GLS: variants seen among roughly 807,000 people sequenced by gnomAD.
GLS encodes the protein glutaminase, also known as glutaminase kidney isoform, mitochondrial.
In GLS, 36 loss-of-function variants were observed where a neutral mutation model predicts 86.7. The ratio of observed to expected loss-of-function variants is 0.42; its 90% CI spans 0.32 to 0.55. The LOEUF is 0.55. GLS is among the 20% of genes least tolerant of loss of function. The pLI is 0.17. For missense variants in GLS, 528 were observed against 833.4 expected (o/e 0.63, Z 4.51); for synonymous variants, 317 against 305.9 (o/e 1.04, Z -0.38).
At chr2:190,906,371 TTA>T (rs1208429472) in intron 6 of GLS, among the ~76,000 whole-genome samples, 1 of 152,088 alleles carries the variant, frequency 6.6e-6, no homozygotes, top group Non-Finnish European at 1.5e-5. Context: ...ATTTGAATGT[TTA>T]GAGGATTTCA....
At chr2:190,915,116 G>A (rs1689484376) in intron 7 of GLS, among the ~76,000 whole-genome samples, 2 of 150,152 alleles carry the variant, frequency 1.3e-5, no homozygotes, top group South Asian at 2.1e-4. Context: ...TCAGCCTCCC[G>A]AGTAGCTGGG....
Position 190,962,944 on chromosome 2 carries a change from G to A in GLS, c.1968G>A (p.Lys656=), listed in dbSNP as rs764475006. 145 of 1,610,616 alleles carry A rather than the reference G, an allele frequency of 9.0e-5. No homozygotes were observed. The South Asian group carries it at 1.5e-3, about 16-fold the overall frequency. ...YTPQGDSDNG[K]ENQTVHKNLD... is the part of the protein sequence containing the mutation. ...CTCAAGGAGATTCTGACAACGGGAA[G>A]GAAAATCAAACCGTCCATAAGAATC... The change falls in exon 18 of 18, where the codon AAG becomes AAA. Residue 656 remains lysine (K), a synonymous_variant. Transcript: ENST00000320717. This position sits in a 1 kb window ranked among gnomAD's most constrained non-coding sequence, Gnocchi z 4.2.
intron 1 of GLS, among the ~76,000 whole-genome samples, chr2:190,889,637 T>C (rs1574560515): frequency 1.3e-5 from 2 of 152,274 alleles, no homozygotes; most frequent in East Asian, 3.9e-4. Context: ...TTGGAAAAAC[T>C]AACAGAGTTG....
intron 1 of GLS, among the ~76,000 whole-genome samples, chr2:190,885,582 T>C (rs1200538277): frequency 2.0e-5 from 3 of 152,102 alleles, no homozygotes; most frequent in Admixed American, 1.3e-4. Flanking sequence ...GGAAGTTGAG[T>C]TAGTATTTGG....
At position 190,949,798 on chromosome 2, in the gene GLS, A is replaced by G. The variant is rs1248173347; in HGVS notation, c.1651-3767A>G. Among the ~76,000 whole-genome samples the G allele has an allele frequency of 6.6e-6, 1 of 152,084 alleles. No homozygotes were observed. The highest frequency in any genetic ancestry group is 1.5e-5 in the Non-Finnish European group (1 of 68,012). ...TTGAGGGAGAATATTCACTTAGTCA[A>G]TAGATATTTAATGAGCACCTATTAT... On this transcript the variant is annotated intron_variant, in intron 14 of 17. Coordinates refer to ENST00000320717, the MANE Select transcript of GLS (RefSeq NM_014905.5). The surrounding 1 kb of genome is among the most constrained non-coding windows in gnomAD (Gnocchi z 4.0).
chr2:190,932,973 GGGT>G, intron 14 of GLS: 3 of 1,245,248 alleles, frequency 2.4e-6, no homozygotes, highest in Non-Finnish European at 3.0e-6. Flanking sequence ...TCTCAATCTT[GGGT>G]GCTGGAGCCA....
chr2:190,891,402 T>G (rs966597475), intron 1 of GLS, among the ~76,000 whole-genome samples: 1 of 151,704 alleles, frequency 6.6e-6, no homozygotes, highest in Non-Finnish European at 1.5e-5. Context: ...TGTGAAACAA[T>G]TGAAATGATC....
In GLS at chr2:190,881,081, C is replaced by T; in HGVS notation, c.-4C>T. 2 of 1,554,554 alleles carry T rather than the reference C, an allele frequency of 1.3e-6. No homozygotes were observed. The highest frequency in any genetic ancestry group is 1.2e-5 in the South Asian group (1 of 85,260). ...GTTGAGCGGGCGCTGACGGACCCGG[C>T]GGCATGATGCGGCTGCGAGGCTCGG... On this transcript the variant is annotated 5_prime_UTR_variant, in exon 1 of 18. Transcript: ENST00000320717.
At chr2:190,937,060 C>T (rs895264759) in intron 14 of GLS, among the ~76,000 whole-genome samples, 3 of 151,334 alleles carry the variant, frequency 2.0e-5, no homozygotes, top group Non-Finnish European at 3.0e-5. Context: ...TGTTACCATG[C>T]ATGATGGCCT....
At chr2:190,915,465 T>C (rs1689501167) in intron 7 of GLS, among the ~76,000 whole-genome samples, 1 of 152,178 alleles carries the variant, frequency 6.6e-6, no homozygotes, top group Non-Finnish European at 1.5e-5. Flanking sequence ...TTACTACAAA[T>C]GATTATAGCT....
intron 5 of GLS, 151 bp downstream of exon 5, chr2:190,902,177 AT>A: frequency 1.8e-6 from 1 of 540,998 alleles, no homozygotes; most frequent in South Asian, 3.0e-5. Context: ...TTTTAATGTA[AT>A]TTTTAAAAAC....
intron 1 of GLS, among the ~76,000 whole-genome samples, chr2:190,894,241 C>G (rs1284470351): frequency 6.6e-6 from 1 of 152,142 alleles, no homozygotes; most frequent in Non-Finnish European, 1.5e-5. Flanking sequence ...TGCCTATAAC[C>G]TACATATATC....
chr2:190,928,975 TTTTG>T (rs1215758927), intron 12 of GLS, among the ~76,000 whole-genome samples: 3 of 150,138 alleles, frequency 2.0e-5, no homozygotes, highest in East Asian at 2.0e-4. Context: ...CTTCTTTTAT[TTTTG>T]TTTGTTTATT....
At chr2:190,919,685 CT>C in intron 7 of GLS, 1 of 838,490 alleles carries the variant, frequency 1.2e-6, no homozygotes, top group Non-Finnish European at 1.4e-6. Context: ...TTGGTAATTT[CT>C]TCTTTTAATT....
Position 190,913,155 on chromosome 2 carries a change from T to C in GLS, c.1038+2834T>C. ...GTAGAGTCTTTAGTAAGACTCTTGA[T>C]TTCATAATTTTGTAGTATTGATATT... On this transcript the variant is annotated intron_variant, in intron 7 of 17. Transcript: ENST00000320717. The surrounding 1 kb of genome is among the most constrained non-coding windows in gnomAD (Gnocchi z 6.1). The C allele has an allele frequency of 7.7e-7, 1 of 1,295,686 alleles. No individual in the cohort carries two copies. The highest frequency in any genetic ancestry group is 1.2e-5 in the South Asian group (1 of 80,830). The allele number at this position is 1,295,686 out of a possible 1,614,324, so 80.3% of individuals were successfully genotyped here. A position where few individuals can be genotyped will look rare whatever the true frequency, so the allele number is the denominator to read the frequency against.
At chr2:190,933,966 ACTATAGATT>A in intron 14 of GLS, 1 of 928,188 alleles carries the variant, frequency 1.1e-6, no homozygotes, top group African/African-American at 1.8e-5. Flanking sequence ...TTTTAAGAGA[ACTATAGATT>A]CTACACAACC....
rs867096191 is a variant in GLS, at chr2:190,905,542, A to G, written c.979+375A>G. 1.3e-5 allele frequency among the ~76,000 whole-genome samples: 2 copies of G among 152,128 alleles called. No homozygotes were observed. The highest frequency in any genetic ancestry group is 4.8e-5 in the African/African-American group (2 of 41,464). On this transcript the variant is annotated intron_variant, in intron 6 of 17. Transcript: ENST00000320717. This position sits in a 1 kb window ranked among gnomAD's most constrained non-coding sequence, Gnocchi z 4.6. ...ATAGGTGCATGGGTGTTTGTATATT[A>G]TTCTATCTATTATATTGTATATAGT...
chr2:190,909,556 A>G (rs1689285680), intron 6 of GLS, among the ~76,000 whole-genome samples: 1 of 152,170 alleles, frequency 6.6e-6, no homozygotes, highest in African/African-American at 2.4e-5. Context: ...CACTGTCCCC[A>G]AGATTTTATT....
At chr2:190,894,632 A>C (rs933157486) in intron 1 of GLS, among the ~76,000 whole-genome samples, 1 of 152,222 alleles carries the variant, frequency 6.6e-6, no homozygotes, top group Non-Finnish European at 1.5e-5. Context: ...ACACAACTAT[A>C]GTATTACAGC....
Sources: gnomAD v4.1 joint callset for allele counts (sites outside exome capture counted in the v4.1 genomes callset) on GRCh38, gnomAD v4.1.1 for gene constraint, Gnocchi (gnomAD v3.1) non-coding constraint, MANE v1.5 for transcripts, NCBI Gene and HGNC (gene_info 2026-07-23, HGNC 2026-07-21) for gene names.